CAPN5: variants seen among roughly 807,000 people sequenced by gnomAD.
CAPN5 encodes calpain-5.
A neutral mutation model predicts 73.0 loss-of-function variants in CAPN5; 54 were observed. The ratio of observed to expected loss-of-function variants is 0.74; its 90% CI spans 0.59 to 0.93. The LOEUF (loss-of-function observed/expected upper bound fraction) is 0.93, where lower values mean the gene tolerates loss of function less well. Ranked by LOEUF, CAPN5 falls within the 40% of genes least tolerant of loss-of-function variation. The pLI, the probability that CAPN5 is intolerant of heterozygous loss-of-function variation, is 0.00. For missense variants in CAPN5, 785 were observed against 882.9 expected (o/e 0.89, Z 1.41); for synonymous variants, 335 against 356.9 (o/e 0.94, Z 0.69).
At position 77,123,751 on chromosome 11, in the gene CAPN5, G is replaced by T. The variant is rs782207177; in HGVS notation, c.1804G>T (p.Asp602Tyr). The change falls in exon 13 of 13, where the codon GAC becomes TAC. Residue 602 changes from aspartate to tyrosine, a missense_variant. Transcript: ENST00000648180. ...CCAGGTGCACCTAAAGGCTGACCCG[G>T]ACAACCTCCAGGCCCTGCATACCCT... Reference protein sequence around the residue: ...LGQVHLKADPDNLQALHTLHL... With the variant: ...LGQVHLKADPYNLQALHTLHL... 8.1e-6 allele frequency: 13 copies of T among 1,613,900 alleles called. No homozygotes were observed. The highest frequency in any genetic ancestry group is 1.3e-5 in the African/African-American group (1 of 75,004).
chr11:77,116,151 G>A (rs947767309), intron 6 of CAPN5, 75 bp from the exon 7 acceptor site: 19 of 1,407,396 alleles, frequency 1.4e-5, no homozygotes, highest in East Asian at 4.9e-5. Flanking sequence ...GTGCCTCCTC[G>A]CCTTTGCCAG....
intron 1 of CAPN5, among the ~76,000 whole-genome samples, chr11:77,083,017 G>T (rs1187440257): frequency 2.0e-5 from 3 of 152,180 alleles, no homozygotes; most frequent in Admixed American, 1.3e-4. Context: ...CCTGAAGCCC[G>T]GAAGCTGGCT....
intron 3 of CAPN5, among the ~76,000 whole-genome samples, chr11:77,096,958 C>T (rs782594938): frequency 6.6e-5 from 10 of 152,160 alleles, no homozygotes; most frequent in Non-Finnish European, 1.0e-4. Context: ...CGCGGTGGCT[C>T]ACGCCTGTAA....
intron 1 of CAPN5, among the ~76,000 whole-genome samples, chr11:77,081,953 C>T (rs912402274): frequency 6.6e-6 from 1 of 152,114 alleles, no homozygotes; most frequent in African/African-American, 2.4e-5. Flanking sequence ...CCTGCACTCA[C>T]CTTTGTTGGT....
chr11:77,099,638 A>G (rs28668181), intron 3 of CAPN5, among the ~76,000 whole-genome samples: 88,409 of 148,740 alleles, frequency 0.59, 26,913 homozygotes, highest in African/African-American at 0.77. Flanking sequence ...AGAATCAGGC[A>G]GGGAGGTTGC....
chr11:77,123,846 C>T lies in CAPN5; in HGVS notation c.1899C>T (p.Ser633=). 6.2e-7 allele frequency: 1 copy of T among 1,613,622 alleles called. No individual in the cohort carries two copies. Among genetic ancestry groups the T allele is most frequent in the East Asian group, 2.2e-5 (1 of 44,886 alleles). ...LPGTVAVHIL[S]STSLMAV ...GCACTGTGGCCGTGCACATTCTCAG[C>T]AGCACCTCCCTCATGGCTGTCTGAC... The change falls in exon 13 of 13, where the codon AGC becomes AGT. Residue 633 remains serine (S), a synonymous_variant. Transcript: ENST00000648180.
At position 77,123,863 on chromosome 11, in the gene CAPN5, CT is replaced by C; in HGVS notation, c.1917del (p.Val640SerfsTer10). On this transcript the variant is annotated frameshift_variant, in exon 13 of 13. Transcript: ENST00000648180. LOFTEE classifies it high-confidence loss of function. ...VHILSSTSLMAV is the reference protein window; with the variant it reads ...VHILSSTSLMXV The stretch of plus-strand genomic sequence containing the variant: ...ATTCTCAGCAGCACCTCCCTCATGG[CT>C]GTCTGACACCTGCCCACCTACCTGG... 6.2e-7 allele frequency: 1 copy of C among 1,612,796 alleles called. No homozygotes were observed. Among genetic ancestry groups the C allele is most frequent in the Non-Finnish European group, 8.5e-7 (1 of 1,179,600 alleles).
rs534146713 is a variant in CAPN5 at position 77,073,369 on chromosome 11, C to T, written c.-36+6275C>T. The stretch of plus-strand genomic sequence containing the variant: ...CCTTTCAGAAGCTCCTCTCCCTTGG[C>T]CGCTTGCTTACAGATGCTGCTTACA... On this transcript the variant is annotated intron_variant, in intron 1 of 12. Coordinates refer to ENST00000648180, the MANE Select transcript of CAPN5 (RefSeq NM_004055.5). Among the ~76,000 whole-genome samples the T allele has an allele frequency of 5.9e-5, 9 of 152,310 alleles. No individual in the cohort carries two copies. In the East Asian group the frequency reaches 1.7e-3, roughly 29 times the overall value.
chr11:77,121,369 C>T (rs548476838), intron 10 of CAPN5, among the ~76,000 whole-genome samples: 60 of 152,370 alleles, frequency 3.9e-4, no homozygotes, highest in Admixed American at 8.5e-4. Context: ...CTGAAGCTCT[C>T]TCAGTCCTTG....
At chr11:77,079,575 C>G (rs1339482599) in intron 1 of CAPN5, among the ~76,000 whole-genome samples, 2 of 152,162 alleles carry the variant, frequency 1.3e-5, no homozygotes, top group Non-Finnish European at 2.9e-5. Context: ...TCAGCTCTAA[C>G]AAATACTATT....
chr11:77,112,831 C>A, intron 4 of CAPN5, 34 bp downstream of exon 4: 1 of 1,600,382 alleles, frequency 6.2e-7, no homozygotes, highest in Middle Eastern at 1.7e-4. Context: ...GGGTGGGAGG[C>A]CCAGACGGGG....
chr11:77,091,952 G>A (rs2135433084), intron 2 of CAPN5, among the ~76,000 whole-genome samples: 1 of 152,322 alleles, frequency 6.6e-6, no homozygotes, highest in East Asian at 1.9e-4. Flanking sequence ...ATGCACATTG[G>A]CTCAAGCCTG....
intron 3 of CAPN5, among the ~76,000 whole-genome samples, chr11:77,106,236 C>T (rs994861582): frequency 1.3e-5 from 2 of 151,920 alleles, no homozygotes; most frequent in Non-Finnish European, 2.9e-5. Flanking sequence ...TCACAGCATG[C>T]GCAGAACCCT....
chr11:77,097,473 T>G (rs1178343559), intron 3 of CAPN5, among the ~76,000 whole-genome samples: 1 of 139,176 alleles, frequency 7.2e-6, no homozygotes, highest in Non-Finnish European at 1.5e-5. Context: ...AGTTTTTTTT[T>G]TTTTTTTTTT....
intron 1 of CAPN5, among the ~76,000 whole-genome samples, chr11:77,076,032 A>G (rs1591110054): frequency 6.6e-6 from 1 of 152,158 alleles, no homozygotes. Context: ...TATCACACGC[A>G]TTACCTCACA....
At chr11:77,108,111 G>A (rs1310490396) in intron 3 of CAPN5, among the ~76,000 whole-genome samples, 1 of 152,204 alleles carries the variant, frequency 6.6e-6, no homozygotes, top group Non-Finnish European at 1.5e-5. Context: ...AGTGTGTACA[G>A]GTCACCAGCC....
At chr11:77,076,520 C>T (rs2135411278) in intron 1 of CAPN5, among the ~76,000 whole-genome samples, 1 of 152,316 alleles carries the variant, frequency 6.6e-6, no homozygotes, top group Middle Eastern at 3.4e-3. Flanking sequence ...CCTCCCTCCC[C>T]ACCCTCACCC....
intron 1 of CAPN5, chr11:77,073,166 G>A: frequency 8.4e-7 from 1 of 1,189,798 alleles, no homozygotes; most frequent in South Asian, 1.3e-5. Flanking sequence ...TGGGTTGCCT[G>A]GGACTGTGGG....
Position 77,085,067 on chromosome 11 carries a change from CAG to C in CAPN5, c.165+17_165+18del. ...GCGACCCAAGGTCAGTGTCTGGTCC[CAG>C]CTGGAGCTGGGTGAGCGGGCCCAGG... On this transcript the variant is annotated intron_variant, in intron 2 of 12. Coordinates refer to ENST00000648180, the MANE Select transcript of CAPN5 (RefSeq NM_004055.5). 6.2e-7 allele frequency: 1 copy of C among 1,611,302 alleles called. No homozygotes were observed.
Sources: allele counts gnomAD v4.1 joint callset (sites outside exome capture counted in the v4.1 genomes callset), GRCh38; gene constraint gnomAD v4.1.1; transcripts MANE v1.5; gene names NCBI Gene and HGNC (gene_info 2026-07-23, HGNC 2026-07-21).